BCAR3: variants seen among roughly 807,000 people sequenced by gnomAD.
BCAR3 encodes the protein breast cancer anti-estrogen resistance protein 3.
BCAR3 carries 37 observed loss-of-function variants against 80.1 expected under a neutral mutation model. The observed-to-expected ratio is 0.46, with a 90% CI of 0.36 to 0.61. The LOEUF is 0.61. Among genes scored for constraint, BCAR3 ranks in the 20% least tolerant of loss-of-function variants. The pLI, the probability that BCAR3 is intolerant of heterozygous loss-of-function variation, is 0.00. For synonymous variants in BCAR3, 389 were observed against 418.9 expected (o/e 0.93, Z 0.87); for missense variants, 978 against 1,068.2 (o/e 0.92, Z 1.18).
chr1:93,660,053 C>CGTGT (rs76729025), intron 2 of BCAR3, among the ~76,000 whole-genome samples: 1,494 of 147,318 alleles, frequency 0.01, 7 homozygotes, highest in Middle Eastern at 0.017. Context: ...AATAAATGAA[C>CGTGT]GTGTGTGTGT....
chr1:93,682,544 G>A (rs143843340), upstream of BCAR3, among the ~76,000 whole-genome samples: 93 of 152,304 alleles, frequency 6.1e-4, 2 homozygotes, highest in African/African-American at 2.1e-3. Context: ...CCCATCCCCA[G>A]TCAATTCCAG....
At chr1:93,731,553 G>C (rs1405825237) in intron 2 of BCAR3, among the ~76,000 whole-genome samples, 2 of 152,162 alleles carry the variant, frequency 1.3e-5, no homozygotes, top group East Asian at 3.9e-4. Context: ...GAAGGTACAA[G>C]GCCAGGGGCT....
At chr1:93,563,130 T>C (rs1382198841) in intron 11 of BCAR3, among the ~76,000 whole-genome samples, 2 of 152,204 alleles carry the variant, frequency 1.3e-5, no homozygotes, top group African/African-American at 2.4e-5. Context: ...GTTTGATTTA[T>C]GATGGTAAGT....
intron 2 of BCAR3, among the ~76,000 whole-genome samples, chr1:93,819,805 G>T (rs1204534456): frequency 1.3e-5 from 2 of 151,974 alleles, no homozygotes; most frequent in African/African-American, 4.8e-5. Flanking sequence ...ACAAATGCAG[G>T]TTTGTTACAT....
At chr1:93,721,890 A>C (rs1166244842) in intron 2 of BCAR3, among the ~76,000 whole-genome samples, 1 of 152,212 alleles carries the variant, frequency 6.6e-6, no homozygotes, top group Admixed American at 6.5e-5. Context: ...CAGAGTGCCT[A>C]CTGGCTATGA....
chr1:93,751,738 T>G (rs1352616383), intron 2 of BCAR3, among the ~76,000 whole-genome samples: 1 of 152,192 alleles, frequency 6.6e-6, no homozygotes, highest in African/African-American at 2.4e-5. Flanking sequence ...TTGTGACAAA[T>G]TATCTAGAAG....
chr1:93,637,697 G>C (rs1370522205), intron 3 of BCAR3, among the ~76,000 whole-genome samples: 1 of 152,084 alleles, frequency 6.6e-6, no homozygotes, highest in Non-Finnish European at 1.5e-5. Context: ...TCATGACCTT[G>C]GTCTTCATAT....
At position 93,668,748 on chromosome 1, in the gene BCAR3, G is replaced by A. The variant is rs920882070; in HGVS notation, c.317+5866C>T. 2.3e-4 allele frequency among the ~76,000 whole-genome samples: 32 copies of A among 141,254 alleles called. 1 individual carries two copies. Among genetic ancestry groups the A allele is most frequent in the East Asian group, 6.2e-4 (3 of 4,878 alleles). The allele number at this position is 141,254 out of a possible 152,430, so 92.7% of individuals were successfully genotyped here. ...TTTTCTAAGACGGAGTTCTACTCTC[G>A]TCATCCAGGCTGGAGAGTAGTGGTG... On this transcript the variant is annotated intron_variant, in intron 2 of 11. Coordinates refer to ENST00000260502, the MANE Select transcript of BCAR3 (RefSeq NM_003567.4).
intron 3 of BCAR3, among the ~76,000 whole-genome samples, chr1:93,612,308 G>C (rs1419914547): frequency 6.6e-6 from 1 of 152,176 alleles, no homozygotes; most frequent in African/African-American, 2.4e-5. Flanking sequence ...CAGGCGGAAA[G>C]AAGGGTGTTT....
At chr1:93,647,846 C>T (rs111257323) in intron 2 of BCAR3, among the ~76,000 whole-genome samples, 4,045 of 151,856 alleles carry the variant, frequency 0.027, 78 homozygotes, top group Non-Finnish European at 0.038. Context: ...GATCTTGGCT[C>T]ACTGCAACCT....
At chr1:93,603,347 T>G (rs571738792) in intron 3 of BCAR3, among the ~76,000 whole-genome samples, 1 of 152,340 alleles carries the variant, frequency 6.6e-6, no homozygotes, top group South Asian at 2.1e-4. Flanking sequence ...GATCTATATA[T>G]TGATTACAAC....
At chr1:93,609,009 C>T (rs1429588456) in intron 3 of BCAR3, among the ~76,000 whole-genome samples, 2 of 152,180 alleles carry the variant, frequency 1.3e-5, no homozygotes, top group East Asian at 3.9e-4. Context: ...CCGTAACAGA[C>T]AGACCAAATG....
Position 93,589,416 on chromosome 1 carries a change from A to C in BCAR3, c.490T>G (p.Ser164Ala), listed in dbSNP as rs763106218. The C allele has an allele frequency of 6.2e-7, 1 of 1,608,674 alleles. No homozygotes were observed. The highest frequency in any genetic ancestry group is 8.5e-7 in the Non-Finnish European group (1 of 1,179,310). Residue 164 changes from serine (S) to alanine (A), a missense_variant, in exon 5 of 12, where the codon TCT becomes GCT. Transcript: ENST00000260502. The stretch of plus-strand genomic sequence containing the variant: ...CCATCTCGCTGCACAAGGTTTTCAG[A>C]CACCTTTGGGACAAAAAGGTGAGTG... Reference protein sequence around the residue: ...WYHGRIPRQVSENLVQRDGDF... With the variant: ...WYHGRIPRQVAENLVQRDGDF...
intron 2 of BCAR3, among the ~76,000 whole-genome samples, chr1:93,749,676 C>T (rs1651484071): frequency 6.6e-6 from 1 of 151,970 alleles, no homozygotes; most frequent in Admixed American, 6.6e-5. Context: ...GCACAGGCGC[C>T]TTTACTAGGA....
intron 5 of BCAR3, 45 bp from the exon 6 acceptor site, chr1:93,584,166 AAAAT>A (rs1234623044): frequency 1.5e-5 from 24 of 1,567,762 alleles, no homozygotes; most frequent in Non-Finnish European, 2.0e-5. Flanking sequence ...ACTAACGTGT[AAAAT>A]AAAACTTTTA....
rs1457666865 is a variant in BCAR3, at chr1:93,573,630, ATTATTT to A, written c.1803-1795_1803-1790del. Among the ~76,000 whole-genome samples the A allele has an allele frequency of 1.9e-3, 264 of 139,114 alleles. 2 individuals carry two copies. The highest frequency in any genetic ancestry group is 7.0e-3 in the African/African-American group (252 of 35,764). 91.3% of individuals were successfully genotyped at this position (139,114 alleles called of 152,430 possible). On this transcript the variant is annotated intron_variant, in intron 8 of 11. Transcript: ENST00000260502. ...TATTTTTATTATTATTATTATTATT[ATTATTT>A]TTTTTTTTTTGAGACAGGGTTTTGC...
intron 2 of BCAR3, chr1:93,845,492 A>ATC: frequency 2.8e-5 from 1 of 35,454 alleles, no homozygotes; most frequent in Admixed American, 4.2e-4. Context: ...ATATATATAT[A>ATC]TATATATATA....
intron 2 of BCAR3, among the ~76,000 whole-genome samples, chr1:93,715,261 T>C (rs1650157620): frequency 2.0e-5 from 3 of 152,372 alleles, no homozygotes; most frequent in Middle Eastern, 6.8e-3. Context: ...GTTTCTTTTT[T>C]TGTTTTGAAC....
At chr1:93,804,157 A>G (rs1653585734) in intron 2 of BCAR3, among the ~76,000 whole-genome samples, 1 of 152,234 alleles carries the variant, frequency 6.6e-6, no homozygotes. Flanking sequence ...TTTCAAATAC[A>G]TTAAAAAATA....
Sources: gnomAD v4.1 joint callset for allele counts (sites outside exome capture counted in the v4.1 genomes callset) on GRCh38, gnomAD v4.1.1 for gene constraint, MANE v1.5 for transcripts, NCBI Gene and HGNC (gene_info 2026-07-23, HGNC 2026-07-21) for gene names.